The following FHIT variants were observed in gnomAD, a reference collection of about 807,000 sequenced individuals.
FHIT encodes bis(5'-adenosyl)-triphosphatase.
FHIT carries 19 observed loss-of-function variants against 17.9 expected under a neutral mutation model. The observed-to-expected ratio is 1.06, with a 90% CI of 0.74 to 1.56. The LOEUF (loss-of-function observed/expected upper bound fraction) is 1.56, where lower values mean the gene tolerates loss of function less well. FHIT is among the 40% of genes most tolerant of loss of function. The pLI, the probability that FHIT is intolerant of heterozygous loss-of-function variation, is 0.00. For synonymous variants in FHIT, 81 were observed against 69.7 expected, an observed-to-expected ratio of 1.16 and a Z score of -0.81; for missense variants, 248 against 189.2, an observed-to-expected ratio of 1.31 and a Z score of -1.82.
intron 5 of FHIT, 157 bp downstream of exon 5, chr3:60,536,703 G>A (rs770296894): frequency 3.0e-6 from 2 of 668,046 alleles, no homozygotes; most frequent in Non-Finnish European, 4.6e-6. Context: ...ATAAATATGA[G>A]TAACATCTTA....
intron 4 of FHIT, among the ~76,000 whole-genome samples, chr3:60,663,504 C>T (rs1029783183): frequency 6.6e-6 from 1 of 151,944 alleles, no homozygotes; most frequent in Non-Finnish European, 1.5e-5. Context: ...GGTGCAATCT[C>T]GGCTCACTGC....
chr3:60,321,562 T>C (rs1709434791), intron 5 of FHIT, among the ~76,000 whole-genome samples: 1 of 152,166 alleles, frequency 6.6e-6, no homozygotes. Flanking sequence ...TTACAAAACT[T>C]GCACAAGATC....
chr3:60,589,386 T>C (rs2038009311), intron 4 of FHIT, among the ~76,000 whole-genome samples: 1 of 152,028 alleles, frequency 6.6e-6, no homozygotes, highest in African/African-American at 2.4e-5. Context: ...GGAAGCCCAT[T>C]ATACACACAG....
chr3:61,066,370 T>C (rs1444887868), intron 2 of FHIT, among the ~76,000 whole-genome samples: 1 of 152,084 alleles, frequency 6.6e-6, no homozygotes, highest in Non-Finnish European at 1.5e-5. Flanking sequence ...CCTCAGCACT[T>C]TGGGAGGCCA....
intron 3 of FHIT, among the ~76,000 whole-genome samples, chr3:60,873,196 A>C (rs2107079809): frequency 6.6e-6 from 1 of 152,218 alleles, no homozygotes; most frequent in East Asian, 1.9e-4. Flanking sequence ...TCATAAAGAA[A>C]CCTGCAATGC....
Position 61,024,336 on chromosome 3 carries a change from C to T in FHIT, c.-111+17711G>A, listed in dbSNP as rs529718103. ...CCCCCCTTCTCCCCCAACAAAATAA[C>T]CTAGCCAAACAATAGAGAGGCAACG... On this transcript the variant is annotated intron_variant, in intron 3 of 9. Coordinates refer to ENST00000492590, the MANE Select transcript of FHIT (RefSeq NM_002012.4). Among the ~76,000 whole-genome samples, 6 of 152,160 alleles carry T rather than the reference C, an allele frequency of 3.9e-5. No individual in the cohort carries two copies. The South Asian group carries it at 1.2e-3, about 32-fold the overall frequency.
chr3:61,215,860 T>G (rs1394452925), intron 1 of FHIT, among the ~76,000 whole-genome samples: 1 of 152,214 alleles, frequency 6.6e-6, no homozygotes, highest in Non-Finnish European at 1.5e-5. Context: ...AACTATGTGA[T>G]CTTTGACAAA....
intron 4 of FHIT, chr3:60,765,682 G>A (rs1559704957): frequency 6.6e-6 from 1 of 152,236 alleles, no homozygotes; most frequent in African/African-American, 2.4e-5. Flanking sequence ...ATGGCTGGTG[G>A]AGTATTGTTT....
chr3:60,860,089 T>C (rs566909668), intron 3 of FHIT, among the ~76,000 whole-genome samples: 9 of 148,404 alleles, frequency 6.1e-5, no homozygotes, highest in African/African-American at 2.2e-4. Flanking sequence ...ATATATGATA[T>C]ATATATGATA....
intron 8 of FHIT, among the ~76,000 whole-genome samples, chr3:59,902,491 T>C (rs1704375325): frequency 6.6e-6 from 1 of 151,784 alleles, no homozygotes; most frequent in African/African-American, 2.4e-5. Flanking sequence ...ATATCTCCAC[T>C]CACATGTTCA....
At chr3:60,706,895 T>C (rs1207577648) in intron 4 of FHIT, among the ~76,000 whole-genome samples, 5 of 152,212 alleles carry the variant, frequency 3.3e-5, no homozygotes, top group African/African-American at 1.2e-4. Context: ...GTTATACAAT[T>C]GTGGCACTTA....
At chr3:60,573,842 C>G (rs1290104108) in intron 4 of FHIT, among the ~76,000 whole-genome samples, 6 of 151,644 alleles carry the variant, frequency 4.0e-5, no homozygotes, top group Non-Finnish European at 7.4e-5. Flanking sequence ...TGGAGTCTTG[C>G]TCTGTCACCC....
At chr3:59,773,235 T>A (rs1415031683) in intron 8 of FHIT, among the ~76,000 whole-genome samples, 3 of 152,194 alleles carry the variant, frequency 2.0e-5, no homozygotes, top group African/African-American at 4.8e-5. Flanking sequence ...AAGCCCTGCC[T>A]GCCCAGAGCT....
At chr3:59,820,483 A>T (rs1292176932) in intron 8 of FHIT, among the ~76,000 whole-genome samples, 1 of 152,234 alleles carries the variant, frequency 6.6e-6, no homozygotes, top group Non-Finnish European at 1.5e-5. Context: ...GGTGAGAAAA[A>T]TGTCTCACGA....
At chr3:59,956,179 T>C (rs527727343) in intron 7 of FHIT, among the ~76,000 whole-genome samples, 31 of 152,152 alleles carry the variant, frequency 2.0e-4, no homozygotes, top group Non-Finnish European at 3.8e-4. Flanking sequence ...CAGCAAACTC[T>C]TCTTCCTTAA....
intron 5 of FHIT, among the ~76,000 whole-genome samples, chr3:60,410,754 G>A (rs563009715): frequency 6.6e-6 from 1 of 152,222 alleles, no homozygotes; most frequent in East Asian, 1.9e-4. Flanking sequence ...GTAGGACAGA[G>A]GATTCAAGAC....
intron 4 of FHIT, among the ~76,000 whole-genome samples, chr3:60,795,803 C>T (rs2108130945): frequency 6.6e-6 from 1 of 152,326 alleles, no homozygotes; most frequent in Non-Finnish European, 1.5e-5. Context: ...GCTTGAGCCA[C>T]TGGGACTGTC....
rs79119626 is a variant in FHIT at position 60,886,367 on chromosome 3, A to C, written c.-110-64356T>G. Among the ~76,000 whole-genome samples, 60 of 152,330 alleles carry C rather than the reference A, an allele frequency of 3.9e-4. 1 individual carries two copies. In the East Asian group the frequency reaches 9.6e-3, roughly 24 times the overall value. On this transcript the variant is annotated intron_variant, in intron 3 of 9. Transcript: ENST00000492590. ...ATTCATGAGAAGAACTTGAAAAACT[A>C]TTATTTTTGCCTGCAATCTTCTTGG...
chr3:59,878,155 GA>G lies in FHIT; in HGVS notation c.348+44190del, dbSNP rs573378895. ...AACTAGTATAATAAAAGGAATGACT[GA>G]TTGTACTTGGCATATTTCCCCTCTC... On this transcript the variant is annotated intron_variant, in intron 8 of 9. Transcript: ENST00000492590. Among the ~76,000 whole-genome samples the G allele has an allele frequency of 3.9e-4, 60 of 152,160 alleles. 2 individuals are homozygous for G. The highest frequency in any genetic ancestry group is 1.4e-3 in the African/African-American group (60 of 41,510).
Sources: allele counts gnomAD v4.1 joint callset (sites outside exome capture counted in the v4.1 genomes callset), GRCh38; gene constraint gnomAD v4.1.1; transcripts MANE v1.5; gene names NCBI Gene and HGNC (gene_info 2026-07-23, HGNC 2026-07-21).